The following NEURL1 variants were observed in gnomAD, a reference collection of about 807,000 sequenced individuals.
The protein encoded by NEURL1 is E3 ubiquitin-protein ligase NEURL1.
NEURL1 carries 26 observed loss-of-function variants against 41.2 expected under a neutral mutation model. The observed-to-expected ratio is 0.63, with a 90% CI of 0.46 to 0.87. NEURL1 has a LOEUF of 0.87. NEURL1 is among the 40% of genes least tolerant of loss of function. The pLI is 0.00. For synonymous variants in NEURL1, 400 were observed against 402.3 expected, an observed-to-expected ratio of 0.99 and a Z score of 0.07; for missense variants, 761 against 871.1, an observed-to-expected ratio of 0.87 and a Z score of 1.59.
intron 1 of NEURL1, among the ~76,000 whole-genome samples, chr10:103,498,660 A>C (rs1255163149): frequency 1.3e-5 from 2 of 152,184 alleles, no homozygotes; most frequent in African/African-American, 4.8e-5. Flanking sequence ...TTATCATCCC[A>C]AAAGGAAATG....
At chr10:103,581,860 G>T (rs1208115665) in intron 3 of NEURL1, among the ~76,000 whole-genome samples, 1 of 152,152 alleles carries the variant, frequency 6.6e-6, no homozygotes, top group Non-Finnish European at 1.5e-5. Flanking sequence ...GAGGTAGTGG[G>T]TTAAATACAG....
intron 3 of NEURL1, chr10:103,577,903 T>C (rs1027217993): frequency 1.3e-5 from 2 of 152,258 alleles, no homozygotes; most frequent in Admixed American, 6.5e-5. Context: ...TTGAACCATA[T>C]GTAATCACCA....
chr10:103,504,822 C>A (rs2033910898), intron 1 of NEURL1, among the ~76,000 whole-genome samples: 1 of 152,124 alleles, frequency 6.6e-6, no homozygotes, highest in African/African-American at 2.4e-5. Context: ...GAAGGAGAAA[C>A]TAGGGAGCTA....
chr10:103,501,198 A>AT (rs2033814507), intron 1 of NEURL1, among the ~76,000 whole-genome samples: 2 of 152,122 alleles, frequency 1.3e-5, no homozygotes, highest in South Asian at 4.1e-4. Context: ...AGGAGGTTAG[A>AT]TTTTATCCTG....
chr10:103,581,875 G>A (rs1032710573), intron 3 of NEURL1, among the ~76,000 whole-genome samples: 5 of 152,146 alleles, frequency 3.3e-5, no homozygotes, highest in African/African-American at 1.2e-4. Flanking sequence ...ATACAGGGAG[G>A]TAGATTTTGG....
intron 1 of NEURL1, among the ~76,000 whole-genome samples, chr10:103,521,636 A>G (rs1399073339): frequency 6.6e-6 from 1 of 152,174 alleles, no homozygotes; most frequent in African/African-American, 2.4e-5. Flanking sequence ...TTATGAAATG[A>G]TGATAGAATA....
chr10:103,557,181 C>T (rs2035174874), intron 1 of NEURL1, among the ~76,000 whole-genome samples: 1 of 152,148 alleles, frequency 6.6e-6, no homozygotes, highest in Admixed American at 6.5e-5. Flanking sequence ...CAATCCCAGA[C>T]ACCTTGGAGG....
chr10:103,529,979 G>T (rs888900296), intron 1 of NEURL1, among the ~76,000 whole-genome samples: 10 of 152,182 alleles, frequency 6.6e-5, no homozygotes, highest in African/African-American at 2.4e-4. Flanking sequence ...TATTAGAGAA[G>T]TAAAGAAACA....
chr10:103,560,631 G>A (rs952242067), intron 1 of NEURL1, among the ~76,000 whole-genome samples: 6 of 152,164 alleles, frequency 3.9e-5, no homozygotes, highest in Non-Finnish European at 7.4e-5. Flanking sequence ...GTGCCAGGGT[G>A]CTAACATGGC....
intron 4 of NEURL1, chr10:103,588,740 T>C (rs1163006047): frequency 4.7e-6 from 2 of 423,732 alleles, no homozygotes; most frequent in African/African-American, 4.1e-5. Flanking sequence ...GGTGAGGAGA[T>C]GGAGACCATC....
At position 103,567,144 on chromosome 10, in the gene NEURL1, C is replaced by T. The variant is rs576622301; in HGVS notation, c.86-3728C>T. On this transcript the variant is annotated intron_variant, in intron 1 of 5. Coordinates refer to ENST00000369780, the MANE Select transcript of NEURL1 (RefSeq NM_004210.5). ...GATTACAGGTATGTGCCACCCTGCC[C>T]GGGTAATTTTTGTATTTTTAGTAGA... 8.6e-5 allele frequency among the ~76,000 whole-genome samples: 13 copies of T among 151,762 alleles called. No individual in the cohort carries two copies. The East Asian group carries it at 9.7e-4, about 11-fold the overall frequency.
chr10:103,570,453 C>T (rs574236546), intron 1 of NEURL1, among the ~76,000 whole-genome samples: 1 of 152,196 alleles, frequency 6.6e-6, no homozygotes, highest in South Asian at 2.1e-4. Context: ...TGGTATTCAG[C>T]AGATATGTCA....
chr10:103,527,939 G>T (rs2034494332), intron 1 of NEURL1, among the ~76,000 whole-genome samples: 1 of 152,186 alleles, frequency 6.6e-6, no homozygotes, highest in African/African-American at 2.4e-5. Context: ...TGGTATAAAG[G>T]CCGGGCACAA....
At chr10:103,532,915 T>A (rs2034601249) in intron 1 of NEURL1, among the ~76,000 whole-genome samples, 1 of 142,260 alleles carries the variant, frequency 7.0e-6, no homozygotes, top group African/African-American at 2.6e-5. Context: ...TTTCCTTCTC[T>A]TCTCCTTTTT....
At chr10:103,584,361 A>G (rs2035849933) in intron 3 of NEURL1, among the ~76,000 whole-genome samples, 175 bp from the exon 4 acceptor site, 1 of 152,238 alleles carries the variant, frequency 6.6e-6, no homozygotes, top group South Asian at 2.1e-4. Flanking sequence ...CTGCTTAAAC[A>G]GATGTCCTGC....
chr10:103,513,757 T>G, intron 1 of NEURL1, among the ~76,000 whole-genome samples: 1 of 121,156 alleles, frequency 8.3e-6, no homozygotes, highest in African/African-American at 3.1e-5. Context: ...GCCTAGGAGC[T>G]GGTGAGGGTG....
intron 1 of NEURL1, among the ~76,000 whole-genome samples, chr10:103,499,730 AAATGCTGG>A (rs1423253863): frequency 6.6e-6 from 1 of 151,884 alleles, no homozygotes; most frequent in Non-Finnish European, 1.5e-5. Flanking sequence ...TGGCCTCCCA[AAATGCTGG>A]GGCCACTGTG....
At chr10:103,557,367 A>G (rs897201593) in intron 1 of NEURL1, among the ~76,000 whole-genome samples, 1 of 151,874 alleles carries the variant, frequency 6.6e-6, no homozygotes, top group African/African-American at 2.4e-5. Context: ...CCTGGGCCCA[A>G]GGTCATATTC....
intron 1 of NEURL1, among the ~76,000 whole-genome samples, chr10:103,527,037 G>A (rs894650871): frequency 6.6e-6 from 1 of 151,482 alleles, no homozygotes; most frequent in Non-Finnish European, 1.5e-5. Flanking sequence ...CTATTTTTAT[G>A]GTTATTTCTT....
Sources: allele counts gnomAD v4.1 joint callset (sites outside exome capture counted in the v4.1 genomes callset), GRCh38; gene constraint gnomAD v4.1.1; transcripts MANE v1.5; gene names NCBI Gene and HGNC (gene_info 2026-07-23, HGNC 2026-07-21).